XPO6: variants seen among roughly 807,000 people sequenced by gnomAD.
XPO6 encodes the protein exportin-6.
Under a neutral mutation model 130.0 loss-of-function variants are expected in XPO6, and 3 were observed. The observed-to-expected ratio is 0.02, with a 90% CI of 0.01 to 0.06. The LOEUF is 0.06. Ranked by LOEUF, XPO6 falls within the 10% of genes least tolerant of loss-of-function variation. XPO6 has a pLI of 1.00. For synonymous variants in XPO6, 524 were observed against 548.9 expected (o/e 0.95, Z 0.63); for missense variants, 970 against 1,393.0 (o/e 0.70, Z 4.83).
At chr16:28,110,658 G>A (rs904835656) in intron 17 of XPO6, among the ~76,000 whole-genome samples, 1 of 152,210 alleles carries the variant, frequency 6.6e-6, no homozygotes, top group African/African-American at 2.4e-5. Flanking sequence ...CACAACAGCT[G>A]GATGCAAGCC....
intron 12 of XPO6, among the ~76,000 whole-genome samples, chr16:28,131,964 G>A (rs938984466): frequency 1.3e-5 from 2 of 152,226 alleles, no homozygotes; most frequent in African/African-American, 4.8e-5. Flanking sequence ...CTGCACTATG[G>A]CCTTCCAATT....
intron 12 of XPO6, chr16:28,126,676 TC>T (rs2087422517): frequency 6.6e-6 from 1 of 152,140 alleles, no homozygotes; most frequent in African/African-American, 2.4e-5. Context: ...GGACAAAACA[TC>T]CTCCCTTGAT....
intron 2 of XPO6, 30 bp from the exon 3 acceptor site, chr16:28,177,362 G>T: frequency 7.1e-7 from 1 of 1,401,822 alleles, no homozygotes; most frequent in Non-Finnish European, 1.0e-6. Flanking sequence ...ACAAAAGAAA[G>T]CTATGAAAAT....
chr16:28,114,597 C>T (rs879421869), intron 15 of XPO6, among the ~76,000 whole-genome samples: 1 of 152,180 alleles, frequency 6.6e-6, no homozygotes, highest in South Asian at 2.1e-4. Context: ...GCCTTCAGAG[C>T]GGTAATCTTT....
Position 28,114,146 on chromosome 16 carries a change from T to C in XPO6, c.2005-1096A>G, listed in dbSNP as rs116414181. ...TTCAGGCCCACTAGCATATGTAAGATGGACATAAAAGGAACTCATTTCTAG... is the reference window on the plus strand; with the variant it reads ...TTCAGGCCCACTAGCATATGTAAGACGGACATAAAAGGAACTCATTTCTAG... On this transcript the variant is annotated intron_variant, in intron 15 of 23. Transcript: ENST00000304658. Among the ~76,000 whole-genome samples, 566 of 144,932 alleles carry C rather than the reference T, an allele frequency of 3.9e-3. 3 individuals carry two copies. The highest frequency in any genetic ancestry group is 0.014 in the African/African-American group (535 of 38,914).
At chr16:28,159,145 G>A (rs1018146368) in intron 6 of XPO6, among the ~76,000 whole-genome samples, 4 of 151,988 alleles carry the variant, frequency 2.6e-5, no homozygotes, top group East Asian at 1.9e-4. Flanking sequence ...TGGGAGGATC[G>A]CTTGAGCCCG....
chr16:28,152,265 T>C (rs1044414811), intron 8 of XPO6, among the ~76,000 whole-genome samples: 6 of 152,238 alleles, frequency 3.9e-5, no homozygotes, highest in African/African-American at 1.4e-4. Flanking sequence ...AGAGCTTCAC[T>C]ATATATAATC....
intron 8 of XPO6, among the ~76,000 whole-genome samples, chr16:28,149,861 C>A (rs74014219): frequency 6.6e-6 from 1 of 152,146 alleles, no homozygotes. Context: ...ACCCTCTAGA[C>A]GAGAGAAAGA....
rs781430889 is a variant in XPO6, at chr16:28,181,036, C to G, written c.4-5G>C. Reference sequence around the variant, plus strand: ...GAGAGAGGCTTCTTCAGATGCCTAACAAAGGAATTTGAAAAAAAATCAATA... The same window carrying G: ...GAGAGAGGCTTCTTCAGATGCCTAAGAAAGGAATTTGAAAAAAAATCAATA... On this transcript the variant is annotated splice_region_variant and splice_polypyrimidine_tract_variant and intron_variant, in intron 1 of 23. Coordinates refer to ENST00000304658, the MANE Select transcript of XPO6 (RefSeq NM_015171.4). 14 of 1,606,998 alleles carry G rather than the reference C, an allele frequency of 8.7e-6. No homozygotes were observed. The South Asian group carries it at 1.3e-4, about 15-fold the overall frequency.
At chr16:28,160,155 A>G (rs2043250972) in intron 6 of XPO6, among the ~76,000 whole-genome samples, 1 of 141,582 alleles carries the variant, frequency 7.1e-6, no homozygotes, top group Non-Finnish European at 1.5e-5. Context: ...ACTGCACTCC[A>G]GCCTGGGCAA....
rs2042697154 is a variant in XPO6, at chr16:28,132,708, G to C, written c.1537-305C>G. Among the ~76,000 whole-genome samples, 1 of 148,632 alleles carries C rather than the reference G, an allele frequency of 6.7e-6. No individual in the cohort carries two copies. The highest frequency in any genetic ancestry group is 1.5e-5 in the Non-Finnish European group (1 of 67,576). ...TGGTATGACTCTTACGTTCCTAATAGAGGAGATCAAACCCTGAAATGACCT... is the reference window on the plus strand; with the variant it reads ...TGGTATGACTCTTACGTTCCTAATACAGGAGATCAAACCCTGAAATGACCT... On this transcript the variant is annotated intron_variant, in intron 11 of 23. Transcript: ENST00000304658. This position sits in a 1 kb window ranked among gnomAD's most constrained non-coding sequence, Gnocchi z 4.0.
rs915864379 is a variant in XPO6 at position 28,133,906 on chromosome 16, G to T, written c.1471C>A (p.Arg491=). ...DQQTEWQRYL[R]QSLEVVAKVM... is the part of the protein sequence containing the mutation. ...TTGGCCACCACCTCCAAGCTCTGCC[G>T]TAAGTACCGCTGCCACTCCGTCTGC... The change falls in exon 11 of 24, where the codon CGG becomes AGG. Residue 491 remains arginine, a synonymous_variant. Transcript: ENST00000304658. 1.2e-6 allele frequency: 2 copies of T among 1,613,866 alleles called. No homozygotes were observed. Among genetic ancestry groups the T allele is most frequent in the East Asian group, 2.2e-5 (1 of 44,882 alleles).
chr16:28,134,036 T>C, intron 10 of XPO6, 103 bp from the exon 11 acceptor site: 2 of 1,159,578 alleles, frequency 1.7e-6, no homozygotes, highest in African/African-American at 1.5e-5. Flanking sequence ...AAATGGAAAA[T>C]GATGGAACCA....
In XPO6 at chr16:28,168,070, A is replaced by G. The variant is rs924873836; in HGVS notation, c.566-1485T>C. Among the ~76,000 whole-genome samples, 3 of 152,318 alleles carry G rather than the reference A, an allele frequency of 2.0e-5. No homozygotes were observed. In the South Asian group the frequency reaches 6.2e-4, roughly 32 times the overall value. On this transcript the variant is annotated intron_variant, in intron 5 of 23. Transcript: ENST00000304658. ...AAAAGCCGGTCAATATTGCACTTTA[A>G]AATGGTGAGTTTTATCTCAATTTTT...
chr16:28,108,619 T>C (rs750930203), intron 17 of XPO6, among the ~76,000 whole-genome samples: 27 of 152,116 alleles, frequency 1.8e-4, no homozygotes, highest in Non-Finnish European at 3.8e-4. Context: ...CTCCCCAAAG[T>C]GACGCCCATG....
chr16:28,192,257 C>T (rs1196314286), intron 1 of XPO6, among the ~76,000 whole-genome samples: 2 of 99,302 alleles, frequency 2.0e-5, no homozygotes. Context: ...AGCAAGACTC[C>T]GTCTCAAAAA....
intron 1 of XPO6, among the ~76,000 whole-genome samples, chr16:28,190,832 ATG>A (rs147619825): frequency 0.041 from 6,229 of 152,228 alleles, 437 homozygotes; most frequent in African/African-American, 0.14. Flanking sequence ...AAAAAAATAC[ATG>A]TGTGTGTGAA....
chr16:28,209,220 G>A (rs951776563), intron 1 of XPO6: 3 of 152,178 alleles, frequency 2.0e-5, no homozygotes, highest in African/African-American at 7.2e-5. Flanking sequence ...AACCTTTGGA[G>A]ATATATGGTG....
At chr16:28,119,680 T>C (rs571987837) in intron 14 of XPO6, among the ~76,000 whole-genome samples, 1 of 152,120 alleles carries the variant, frequency 6.6e-6, no homozygotes, top group South Asian at 2.1e-4. Flanking sequence ...TACAAAAACA[T>C]TCCTGGGACA....
Sources: allele counts gnomAD v4.1 joint callset (sites outside exome capture counted in the v4.1 genomes callset), GRCh38; gene constraint gnomAD v4.1.1; non-coding constraint Gnocchi (gnomAD v3.1); transcripts MANE v1.5; gene names NCBI Gene and HGNC (gene_info 2026-07-23, HGNC 2026-07-21).